Variants in USP32 observed in about 807,000 individuals in gnomAD.
The protein encoded by USP32 is ubiquitin carboxyl-terminal hydrolase 32.
A neutral mutation model predicts 204.8 loss-of-function variants in USP32; 59 were observed. That is an observed-to-expected ratio of 0.29 (90% confidence interval 0.23 to 0.36). The LOEUF (loss-of-function observed/expected upper bound fraction) is 0.36. Among genes scored for constraint, USP32 ranks in the 10% least tolerant of loss-of-function variants. USP32 has a pLI of 1.00. For missense variants in USP32, 1,160 were observed against 1,946.4 expected, an observed-to-expected ratio of 0.60 and a Z score of 7.60; for synonymous variants, 517 against 678.4, an observed-to-expected ratio of 0.76 and a Z score of 3.70.
rs114806136 is a variant in USP32 at position 60,241,794 on chromosome 17, A to G, written c.1137-5554T>C. ...TACTTTATCATATATAAAATTTGCA[A>G]ATATTTTCTCTAGGGCTGTGAGGCT... On this transcript the variant is annotated intron_variant, in intron 11 of 33. Coordinates refer to ENST00000300896, the MANE Select transcript of USP32 (RefSeq NM_032582.4). Among the ~76,000 whole-genome samples the G allele has an allele frequency of 1.1e-3, 168 of 152,252 alleles. 1 individual carries two copies. Among genetic ancestry groups the G allele is most frequent in the African/African-American group, 3.1e-3 (128 of 41,554 alleles).
intron 26 of USP32, among the ~76,000 whole-genome samples, chr17:60,202,246 T>C (rs557559381): frequency 1.1e-4 from 17 of 152,368 alleles, no homozygotes; most frequent in African/African-American, 4.1e-4. Context: ...CTGGGCTCTC[T>C]ATTCTATCCC....
At position 60,269,442 on chromosome 17, in the gene USP32, A is replaced by C. The variant is rs2086675592; in HGVS notation, c.811+8T>G. The C allele has an allele frequency of 6.2e-7, 1 of 1,604,792 alleles. No individual in the cohort carries two copies. Among genetic ancestry groups the C allele is most frequent in the Non-Finnish European group, 8.5e-7 (1 of 1,175,790 alleles). On this transcript the variant is annotated splice_region_variant and intron_variant, in intron 7 of 33. Coordinates refer to ENST00000300896, the MANE Select transcript of USP32 (RefSeq NM_032582.4). ...TTGCAATTTTTTGACAATGTTTAAC[A>C]CACTTACATTTTTGTCTTTCAGCCA...
chr17:60,179,226 C>G lies in USP32; in HGVS notation c.*29G>C, dbSNP rs373314363. 38 of 1,600,794 alleles carry G rather than the reference C, an allele frequency of 2.4e-5. No individual in the cohort carries two copies. Among genetic ancestry groups the G allele is most frequent in the Non-Finnish European group, 3.1e-5 (36 of 1,170,698 alleles). ...TACAAGGAGTCATCTCCCTCACCGCCAAGCTGTCTAGCAGCCAGAGTGGTA... is the reference window on the plus strand; with the variant it reads ...TACAAGGAGTCATCTCCCTCACCGCGAAGCTGTCTAGCAGCCAGAGTGGTA... On this transcript the variant is annotated 3_prime_UTR_variant, in exon 34 of 34. Transcript: ENST00000300896.
At chr17:60,367,754 A>G (rs924827888) in intron 1 of USP32, among the ~76,000 whole-genome samples, 2 of 152,166 alleles carry the variant, frequency 1.3e-5, no homozygotes, top group African/African-American at 4.8e-5. Flanking sequence ...GTTGCAGTGA[A>G]CTGACATGGC....
intron 2 of USP32, among the ~76,000 whole-genome samples, chr17:60,310,165 T>A (rs2087821210): frequency 6.6e-6 from 1 of 152,200 alleles, no homozygotes; most frequent in Non-Finnish European, 1.5e-5. Flanking sequence ...AGCCATTGTG[T>A]AAATTAGAAC....
intron 1 of USP32, among the ~76,000 whole-genome samples, chr17:60,418,642 A>T (rs8065998): frequency 0.18 from 28,001 of 152,004 alleles, 6,069 homozygotes; most frequent in African/African-American, 0.53. Context: ...CCAGCATCTG[A>T]AAGGAACTTA....
intron 5 of USP32, among the ~76,000 whole-genome samples, chr17:60,282,497 G>C (rs2086992954): frequency 1.3e-5 from 2 of 152,134 alleles, no homozygotes; most frequent in African/African-American, 4.8e-5. Flanking sequence ...GGGACTACAG[G>C]CACATGCCAC....
Position 60,271,461 on chromosome 17 carries a change from C to T in USP32, c.592G>A (p.Asp198Asn), listed in dbSNP as rs767797434. Residue 198 changes from aspartate (D) to asparagine (N), a missense_variant, in exon 6 of 34, where the codon GAT becomes AAT. Coordinates refer to ENST00000300896, the MANE Select transcript of USP32 (RefSeq NM_032582.4). ...AATAACCAATAGCGTTTCTCAAGAT[C>T]AATGATGTCTGATTCCTCCACTAAG... ...VTHLEESDII[D>N]LEKRYWLLKA... The T allele has an allele frequency of 4.3e-6, 7 of 1,613,936 alleles. No homozygotes were observed. The highest frequency in any genetic ancestry group is 8.5e-7 in the Non-Finnish European group (1 of 1,179,892).
At chr17:60,222,681 T>A (rs2085282959) in intron 14 of USP32, 132 bp from the exon 15 acceptor site, 2 of 711,074 alleles carry the variant, frequency 2.8e-6, no homozygotes, top group Admixed American at 3.4e-5. Flanking sequence ...AACTTAATTT[T>A]TTTTTTTTTT....
upstream of USP32, among the ~76,000 whole-genome samples, chr17:60,394,573 T>C (rs767493670): frequency 2.6e-5 from 4 of 152,138 alleles, no homozygotes; most frequent in Non-Finnish European, 5.9e-5. Context: ...GCATGTGTCG[T>C]TTTCCAATGG....
intron 16 of USP32, among the ~76,000 whole-genome samples, chr17:60,217,998 A>C (rs2085148192): frequency 6.6e-6 from 1 of 151,940 alleles, no homozygotes; most frequent in African/African-American, 2.4e-5. Flanking sequence ...CAGTCTCCCA[A>C]ACTGTTGGGA....
intron 2 of USP32, chr17:60,304,870 C>A (rs2087683738): frequency 6.6e-6 from 1 of 152,104 alleles, no homozygotes; most frequent in Non-Finnish European, 1.5e-5. Flanking sequence ...TATTTAAATG[C>A]TTGTTATGTG....
At chr17:60,227,738 T>A (rs1003041763) in intron 12 of USP32, among the ~76,000 whole-genome samples, 1 of 152,088 alleles carries the variant, frequency 6.6e-6, no homozygotes, top group Non-Finnish European at 1.5e-5. Context: ...CTTAAAGTAG[T>A]GATATAAAGT....
chr17:60,180,561 T>C lies in USP32; in HGVS notation c.4625A>G (p.Asn1542Ser), dbSNP rs2084082814. The change falls in exon 33 of 34, where the codon AAT becomes AGT. Residue 1542 changes from asparagine to serine, a missense_variant. Around this residue, in one of 8 missense-constraint regions of USP32, gnomAD observed 244 missense variants for 342.3 expected, o/e 0.71. Transcript: ENST00000300896. ...KNPNCKWYCY[N>S]DSSCKELHPD... is the part of the protein sequence containing the mutation. ...AATGTTTACCTTACAGCTGCTGTCA[T>C]TGTAACAGTACCACTTGCAGTTTGG... 2 of 1,613,664 alleles carry C rather than the reference T, an allele frequency of 1.2e-6. No individual in the cohort carries two copies. Among genetic ancestry groups the C allele is most frequent in the African/African-American group, 1.3e-5 (1 of 74,924 alleles).
At chr17:60,363,966 G>A (rs1028432089) in intron 1 of USP32, among the ~76,000 whole-genome samples, 1 of 151,992 alleles carries the variant, frequency 6.6e-6, no homozygotes, top group Non-Finnish European at 1.5e-5. Context: ...GATGATTCTC[G>A]TGCACTATTA....
intron 1 of USP32, among the ~76,000 whole-genome samples, chr17:60,350,790 A>G (rs1334283181): frequency 6.6e-6 from 1 of 152,202 alleles, no homozygotes; most frequent in Non-Finnish European, 1.5e-5. Context: ...CATAATAGGT[A>G]TAATGTACCC....
chr17:60,209,032 G>C (rs2084898488), intron 22 of USP32, among the ~76,000 whole-genome samples: 1 of 151,984 alleles, frequency 6.6e-6, no homozygotes, highest in African/African-American at 2.4e-5. Flanking sequence ...AAATATTAAA[G>C]TTATTTGTCC....
At position 60,179,182 on chromosome 17, in the gene USP32, G is replaced by A. The variant is rs2084037270; in HGVS notation, c.*73C>T. 12 of 1,510,708 alleles carry A rather than the reference G, an allele frequency of 7.9e-6. No homozygotes were observed. Among genetic ancestry groups the A allele is most frequent in the South Asian group, 6.5e-5 (5 of 77,132 alleles). The allele number at this position is 1,510,708 out of a possible 1,614,324, so 93.6% of individuals were successfully genotyped here. ...TACATTTAGCTTGCCTTTCAGTGAC[G>A]CTTTTGCCAAATGTCAGCTACAAGG... is the stretch of plus-strand genomic sequence containing the variant. On this transcript the variant is annotated 3_prime_UTR_variant, in exon 34 of 34. Transcript: ENST00000300896.
intron 1 of USP32, among the ~76,000 whole-genome samples, chr17:60,422,069 C>T (rs1024922356): frequency 1.3e-5 from 2 of 152,122 alleles, no homozygotes; most frequent in Non-Finnish European, 2.9e-5. Flanking sequence ...TCCTGGAGGC[C>T]GCAGGGGCAG....
Sources: allele counts gnomAD v4.1 joint callset (sites outside exome capture counted in the v4.1 genomes callset), GRCh38; gene constraint gnomAD v4.1.1; regional missense constraint gnomAD v4.1.1; transcripts MANE v1.5; gene names NCBI Gene and HGNC (gene_info 2026-07-23, HGNC 2026-07-21).